The following TENM4 variants were observed in gnomAD, a reference collection of about 807,000 sequenced individuals.
The protein encoded by TENM4 is teneurin transmembrane protein 4.
In TENM4, 82 loss-of-function variants were observed where a neutral mutation model predicts 243.3. That is an observed-to-expected ratio of 0.34 (90% CI 0.28 to 0.40). TENM4 has a LOEUF of 0.40. Among genes scored for constraint, TENM4 ranks in the 10% least tolerant of loss-of-function variants. The probability of loss-of-function intolerance (pLI) is 1.00; values close to 1 mark genes in which losing one functional copy is unlikely to be tolerated. For synonymous variants in TENM4, 1,412 were observed against 1,456.3 expected, an observed-to-expected ratio of 0.97 and a Z score of 0.69; for missense variants, 3,138 against 3,673.3, an observed-to-expected ratio of 0.85 and a Z score of 3.77.
intron 6 of TENM4, among the ~76,000 whole-genome samples, chr11:79,026,666 GC>G (rs1859088277): frequency 6.6e-6 from 1 of 152,144 alleles, no homozygotes; most frequent in African/African-American, 2.4e-5. Context: ...ACTTCTCACA[GC>G]AACCAAGAAA....
At chr11:79,361,504 G>A (rs899754738) in intron 1 of TENM4, among the ~76,000 whole-genome samples, 14 of 152,038 alleles carry the variant, frequency 9.2e-5, no homozygotes, top group Admixed American at 4.6e-4. Context: ...ACTTAGTTTT[G>A]TCACACTCCC....
At chr11:79,043,848 G>A (rs1205311654) in intron 6 of TENM4, among the ~76,000 whole-genome samples, 1 of 152,132 alleles carries the variant, frequency 6.6e-6, no homozygotes, top group Non-Finnish European at 1.5e-5. Context: ...GGCCTCAGAG[G>A]CAGGATTTAA....
chr11:78,898,839 C>G (rs183942715), intron 7 of TENM4, among the ~76,000 whole-genome samples: 1 of 152,132 alleles, frequency 6.6e-6, no homozygotes, highest in African/African-American at 2.4e-5. Context: ...AGTCTGTTCT[C>G]TGAAATGTCT....
intron 1 of TENM4, among the ~76,000 whole-genome samples, chr11:79,390,045 G>A (rs1858198003): frequency 6.6e-6 from 1 of 152,214 alleles, no homozygotes; most frequent in South Asian, 2.1e-4. Context: ...AGAGACTGGG[G>A]ACAGGGAGGC....
At chr11:78,718,880 CAT>C (rs1859583034) in intron 25 of TENM4, among the ~76,000 whole-genome samples, 1 of 152,174 alleles carries the variant, frequency 6.6e-6, no homozygotes, top group Admixed American at 6.5e-5. Flanking sequence ...TAAATAATCA[CAT>C]ATATGTTTCC....
chr11:79,046,425 C>CATCTGTTA, intron 6 of TENM4, among the ~76,000 whole-genome samples: 1 of 151,970 alleles, frequency 6.6e-6, no homozygotes, highest in East Asian at 1.9e-4. Context: ...GTGTGCTTGG[C>CATCTGTTA]ATCTGTTATG....
intron 28 of TENM4, among the ~76,000 whole-genome samples, chr11:78,695,484 C>T (rs2135743724): frequency 6.6e-6 from 1 of 152,266 alleles, no homozygotes; most frequent in Non-Finnish European, 1.5e-5. Context: ...CTGCCTCAGC[C>T]TCCCGAGTAG....
intron 6 of TENM4, among the ~76,000 whole-genome samples, chr11:78,970,477 G>C (rs1269202034): frequency 6.6e-6 from 1 of 152,152 alleles, no homozygotes; most frequent in Non-Finnish European, 1.5e-5. Flanking sequence ...CTGTAAAAAT[G>C]TATTGATTTG....
chr11:79,026,695 C>T (rs1026058785), intron 6 of TENM4, among the ~76,000 whole-genome samples: 3 of 152,194 alleles, frequency 2.0e-5, no homozygotes, highest in Non-Finnish European at 4.4e-5. Flanking sequence ...ATTAGTCCAG[C>T]TTCGCAGAGA....
chr11:79,208,079 C>G (rs562582131), intron 3 of TENM4, among the ~76,000 whole-genome samples: 3 of 152,112 alleles, frequency 2.0e-5, no homozygotes, highest in South Asian at 2.1e-4. Context: ...CTCTTAACAT[C>G]CTGGAATTCT....
intron 12 of TENM4, among the ~76,000 whole-genome samples, chr11:78,816,291 G>A (rs1004954892): frequency 4.6e-5 from 7 of 152,182 alleles, no homozygotes; most frequent in Non-Finnish European, 8.8e-5. Flanking sequence ...CTGTCTGCAC[G>A]AGAATTGCTA....
At chr11:79,008,139 C>T (rs193074933) in intron 6 of TENM4, among the ~76,000 whole-genome samples, 7 of 152,218 alleles carry the variant, frequency 4.6e-5, no homozygotes, top group African/African-American at 1.7e-4. Context: ...TAGAGAATGT[C>T]CCCAGGAAAG....
At position 79,138,854 on chromosome 11, in the gene TENM4, T is replaced by C. The variant is rs1297469675; in HGVS notation, c.-66+9856A>G. ...AACATACATTATATTTATATAAATA[T>C]ACAAAATATACCTTATATTTATATA... On this transcript the variant is annotated intron_variant, in intron 4 of 33. Coordinates refer to ENST00000278550, the MANE Select transcript of TENM4 (RefSeq NM_001098816.3). 2.5e-5 allele frequency among the ~76,000 whole-genome samples: 3 copies of C among 119,690 alleles called. 1 individual carries two copies. The highest frequency in any genetic ancestry group is 4.8e-5 in the Non-Finnish European group (3 of 62,762). 78.5% of individuals were successfully genotyped at this position (119,690 alleles called of 152,430 possible). A position where few individuals can be genotyped will look rare whatever the true frequency, so the allele number is the denominator to read the frequency against.
At chr11:78,833,070 C>T (rs1054073897) in intron 12 of TENM4, among the ~76,000 whole-genome samples, 2 of 152,176 alleles carry the variant, frequency 1.3e-5, no homozygotes, top group Non-Finnish European at 2.9e-5. Context: ...CAGTTCCTAC[C>T]GCTGCCTCCA....
chr11:79,061,623 T>G (rs1209668797), intron 6 of TENM4, among the ~76,000 whole-genome samples: 2 of 152,178 alleles, frequency 1.3e-5, no homozygotes, highest in Non-Finnish European at 2.9e-5. Flanking sequence ...TGTGCGCAAG[T>G]GTGCACCTCT....
At chr11:79,336,319 C>T (rs185842678) in intron 1 of TENM4, among the ~76,000 whole-genome samples, 1 of 152,290 alleles carries the variant, frequency 6.6e-6, no homozygotes, top group Admixed American at 6.5e-5. Flanking sequence ...TCCTCCAGGC[C>T]TCTAGCTTCT....
At chr11:79,127,612 A>G (rs1366150881) in intron 4 of TENM4, among the ~76,000 whole-genome samples, 1 of 152,132 alleles carries the variant, frequency 6.6e-6, no homozygotes, top group Non-Finnish European at 1.5e-5. Flanking sequence ...GGGTATATCA[A>G]CTCTCCAGCT....
At chr11:79,202,670 G>A (rs755796769) in intron 3 of TENM4, among the ~76,000 whole-genome samples, 13 of 152,178 alleles carry the variant, frequency 8.5e-5, no homozygotes, top group South Asian at 2.1e-4. Flanking sequence ...GACTCTGAGA[G>A]TCAAGGTGAT....
At chr11:79,097,114 A>G (rs1861102603) in intron 4 of TENM4, 1 of 152,148 alleles carries the variant, frequency 6.6e-6, no homozygotes. Context: ...TCCACATTTC[A>G]CAGATGAGGA....
Sources: allele counts gnomAD v4.1 joint callset (sites outside exome capture counted in the v4.1 genomes callset), GRCh38; gene constraint gnomAD v4.1.1; transcripts MANE v1.5; gene names NCBI Gene and HGNC (gene_info 2026-07-23, HGNC 2026-07-21).